The following BCORL1 variants were observed in gnomAD, a reference collection of about 807,000 sequenced individuals.
BCORL1 encodes the protein BCL6 corepressor like 1.
A neutral mutation model predicts 87.6 loss-of-function variants in BCORL1; 7 were observed. The ratio of observed to expected loss-of-function variants is 0.08; its 90% CI spans 0.05 to 0.15. BCORL1 has a LOEUF of 0.15. Ranked by LOEUF, BCORL1 falls within the 10% of genes least tolerant of loss-of-function variation. The probability of loss-of-function intolerance (pLI) is 1.00; values close to 1 mark genes in which losing one functional copy is unlikely to be tolerated. For missense variants in BCORL1, 1,215 were observed against 1,499.7 expected, an observed-to-expected ratio of 0.81 and a Z score of 3.13; for synonymous variants, 591 against 634.4, an observed-to-expected ratio of 0.93 and a Z score of 1.03.
intron 1 of BCORL1, among the ~76,000 whole-genome samples, chrX:129,983,425 TTG>T (rs1491340706): frequency 1.8e-4 from 12 of 66,193 alleles, no homozygotes; most frequent in African/African-American, 6.4e-4. Flanking sequence ...AGGCTTTTTT[TTG>T]GGGGGGGGGG....
At position 130,013,082 on chromosome X, in the gene BCORL1, A is replaced by C. The variant is rs1929098410; in HGVS notation, c.310A>C (p.Asn104His). 8.3e-7 allele frequency: 1 copy of C among 1,210,830 alleles called. No homozygotes were observed. The highest frequency in any genetic ancestry group is 1.1e-6 in the Non-Finnish European group (1 of 894,519). ...CCAGCCAAAAATGGACTACGCTGGG[A>C]ACGTGGCAGAGGCTGAGGGCCTCTT... ...DPQPKMDYAG[N>H]VAEAEGLLVP... is the part of the protein sequence containing the mutation. The change falls in exon 4 of 14, where the codon AAC (asparagine) becomes CAC (histidine). Residue 104 changes from asparagine to histidine, a missense_variant. Asn to His is a moderately conservative substitution (Grantham distance 68). Around this residue, in one of 5 missense-constraint regions of BCORL1, gnomAD observed 861 missense variants for 1,010.0 expected, o/e 0.85. Coordinates refer to ENST00000540052, the MANE Select transcript of BCORL1 (RefSeq NM_001379451.1).
chrX:130,043,447 C>G (rs1016053402), intron 11 of BCORL1, among the ~76,000 whole-genome samples: 1 of 110,300 alleles, frequency 9.1e-6, no homozygotes, highest in African/African-American at 3.3e-5. Context: ...TCTCCAGGAA[C>G]CACTGGGTAG....
intron 8 of BCORL1, among the ~76,000 whole-genome samples, chrX:130,031,328 G>C (rs974149621): frequency 3.6e-5 from 4 of 112,358 alleles, no homozygotes; most frequent in African/African-American, 1.3e-4. Context: ...GACTGATCAT[G>C]GCTTCTCGCT....
In BCORL1 at chrX:130,005,262, G is replaced by A. The variant is rs201118119; in HGVS notation, c.31G>A (p.Val11Met). The change falls in exon 2 of 14, where the codon GTG becomes ATG. Residue 11 changes from valine to methionine, a missense_variant. Coordinates refer to ENST00000540052, the MANE Select transcript of BCORL1 (RefSeq NM_001379451.1). ...CTCTACAGCACCGCTCTACAGCGGC[G>A]TGCACAACTGGACCAGTTCTGACCG... MISTAPLYSG[V>M]HNWTSSDRIR... The A allele has an allele frequency of 4.1e-6, 5 of 1,210,219 alleles. No individual in the cohort carries two copies. The highest frequency in any genetic ancestry group is 3.5e-5 in the African/African-American group (2 of 57,341).
At chrX:130,012,881 C>A (rs1033549152) in intron 3 of BCORL1, 69 bp from the exon 4 acceptor site, 1 of 1,150,741 alleles carries the variant, frequency 8.7e-7, no homozygotes, top group Non-Finnish European at 1.2e-6. Flanking sequence ...AGTTGCCTCT[C>A]GGGCCTCAGG....
chrX:130,011,968 C>T (rs1216623802), intron 2 of BCORL1, among the ~76,000 whole-genome samples: 1 of 111,453 alleles, frequency 9.0e-6, no homozygotes, highest in East Asian at 2.8e-4. Flanking sequence ...CACCCAGTGA[C>T]CTGGTGGCCT....
At chrX:129,999,698 C>G (rs1328082068) in intron 1 of BCORL1, among the ~76,000 whole-genome samples, 1 of 98,383 alleles carries the variant, frequency 1.0e-5, no homozygotes, top group Non-Finnish European at 2.1e-5. Flanking sequence ...CCCCCCCAGA[C>G]AGAGTCTTAA....
At chrX:130,043,974 T>G (rs1341315922) in intron 11 of BCORL1, among the ~76,000 whole-genome samples, 1 of 104,198 alleles carries the variant, frequency 9.6e-6, no homozygotes, top group East Asian at 3.1e-4. Flanking sequence ...GGTTTCACCG[T>G]GTTAGCCAGG....
At chrX:129,999,270 A>G (rs1345067655) in intron 1 of BCORL1, among the ~76,000 whole-genome samples, 1 of 105,918 alleles carries the variant, frequency 9.4e-6, no homozygotes, top group Admixed American at 1.0e-4. Flanking sequence ...GTAGCAACTA[A>G]AACTTGTACT....
At chrX:130,023,431 C>A (rs1451696619) in intron 6 of BCORL1, among the ~76,000 whole-genome samples, 1 of 111,814 alleles carries the variant, frequency 8.9e-6, no homozygotes, top group African/African-American at 3.3e-5. Context: ...TCACATTTGG[C>A]TCCCTGAATT....
At chrX:130,024,471 G>A (rs890645129) in intron 6 of BCORL1, among the ~76,000 whole-genome samples, 1 of 111,206 alleles carries the variant, frequency 9.0e-6, no homozygotes, top group Non-Finnish European at 1.9e-5. Context: ...TGATGATTCT[G>A]CTTGGCCGGG....
At chrX:129,998,398 C>A (rs979943447) in intron 1 of BCORL1, among the ~76,000 whole-genome samples, 24 of 110,810 alleles carry the variant, frequency 2.2e-4, no homozygotes, top group African/African-American at 7.5e-4. Context: ...CACATGAGTA[C>A]CGGTGCTTCA....
chrX:130,037,273 C>G (rs1240782094), intron 9 of BCORL1, 94 bp from the exon 10 acceptor site: 6 of 914,395 alleles, frequency 6.6e-6, no homozygotes, highest in Admixed American at 2.2e-5. Context: ...GGCTCTGAGA[C>G]TCCTCAGATA....
At chrX:130,038,748 C>G (rs1229674975) in intron 10 of BCORL1, among the ~76,000 whole-genome samples, 1 of 111,754 alleles carries the variant, frequency 8.9e-6, no homozygotes, top group Non-Finnish European at 1.9e-5. Flanking sequence ...TCCCAAAGTG[C>G]TGGGATTACA....
chrX:130,013,096 T>C lies in BCORL1; in HGVS notation c.324T>C (p.Ala108=). ...ACTACGCTGGGAACGTGGCAGAGGC[T>C]GAGGGCCTCTTGGTGCCCCTGAGCA... ...KMDYAGNVAE[A]EGLLVPLSSP... The change falls in exon 4 of 14, where the codon GCT becomes GCC. Residue 108 remains alanine, a synonymous_variant. Coordinates refer to ENST00000540052, the MANE Select transcript of BCORL1 (RefSeq NM_001379451.1). The C allele has an allele frequency of 8.3e-7, 1 of 1,210,273 alleles. No homozygotes were observed. The highest frequency in any genetic ancestry group is 1.1e-6 in the Non-Finnish European group (1 of 894,094).
chrX:130,012,849 T>C, intron 3 of BCORL1, 101 bp from the exon 4 acceptor site: 1 of 1,120,718 alleles, frequency 8.9e-7, no homozygotes, highest in South Asian at 2.1e-5. Context: ...ACCTGGTTGG[T>C]CGAGTTGCAG....
chrX:129,986,102 C>T (rs924272483), intron 1 of BCORL1, among the ~76,000 whole-genome samples: 8 of 111,654 alleles, frequency 7.2e-5, no homozygotes, highest in Non-Finnish European at 1.3e-4. Context: ...CCATCCGGCC[C>T]AGTTTATTTT....
At position 130,037,611 on chromosome X, in the gene BCORL1, T is replaced by C; in HGVS notation, c.4694+78T>C. ...TCACTCAAAAGACCTTGCCTGCCGCTGGCAGGCATGGTGGCTCACGCCTGT... is the reference window on the plus strand; with the variant it reads ...TCACTCAAAAGACCTTGCCTGCCGCCGGCAGGCATGGTGGCTCACGCCTGT... On this transcript the variant is annotated intron_variant, in intron 10 of 13. Coordinates refer to ENST00000540052, the MANE Select transcript of BCORL1 (RefSeq NM_001379451.1). 4 of 1,067,499 alleles carry C rather than the reference T, an allele frequency of 3.7e-6. No homozygotes were observed. In the South Asian group the frequency reaches 8.8e-5, roughly 23 times the overall value. 88.0% of individuals were successfully genotyped at this position (1,067,499 alleles called of 1,213,427 possible).
chrX:129,993,784 A>T (rs766075778), intron 1 of BCORL1, among the ~76,000 whole-genome samples: 121 of 111,227 alleles, frequency 1.1e-3, no homozygotes, highest in Non-Finnish European at 1.8e-3. Flanking sequence ...TTTATTTTTT[A>T]ATTTTTATTT....
Sources: gnomAD v4.1 joint callset for allele counts (sites outside exome capture counted in the v4.1 genomes callset) on GRCh38, gnomAD v4.1.1 for gene constraint, gnomAD v4.1.1 regional missense constraint, MANE v1.5 for transcripts, NCBI Gene and HGNC (gene_info 2026-07-23, HGNC 2026-07-21) for gene names.